Variants in SORCS1 observed in about 807,000 individuals in gnomAD.
The protein encoded by SORCS1 is VPS10 domain-containing receptor SorCS1.
SORCS1 carries 60 observed loss-of-function variants against 146.1 expected under a neutral mutation model. That is an observed-to-expected ratio of 0.41 (90% CI 0.33 to 0.51). The LOEUF (loss-of-function observed/expected upper bound fraction) is 0.51, where lower values mean the gene tolerates loss of function less well. SORCS1 is among the 20% of genes least tolerant of loss of function. The pLI, the probability that SORCS1 is intolerant of heterozygous loss-of-function variation, is 0.21. For synonymous variants in SORCS1, 637 were observed against 584.0 expected, an observed-to-expected ratio of 1.09 and a Z score of -1.31; for missense variants, 1,352 against 1,487.6, an observed-to-expected ratio of 0.91 and a Z score of 1.50.
At chr10:107,112,082 T>C (rs1397108123) in intron 1 of SORCS1, among the ~76,000 whole-genome samples, 1 of 152,108 alleles carries the variant, frequency 6.6e-6, no homozygotes, top group Non-Finnish European at 1.5e-5. Context: ...AGCTTAAGTA[T>C]GTAGTCAAAT....
At chr10:106,703,248 A>T (rs917536546) in intron 8 of SORCS1, among the ~76,000 whole-genome samples, 2 of 152,000 alleles carry the variant, frequency 1.3e-5, no homozygotes, top group African/African-American at 4.8e-5. Flanking sequence ...TTAGTGACAG[A>T]TCTGGGTCCC....
chr10:107,155,473 G>A (rs1969203761), intron 1 of SORCS1, among the ~76,000 whole-genome samples: 1 of 152,144 alleles, frequency 6.6e-6, no homozygotes, highest in African/African-American at 2.4e-5. Flanking sequence ...AGGCACCTAT[G>A]AGTGAGCCCA....
chr10:106,705,056 A>C (rs2135792521), intron 8 of SORCS1, among the ~76,000 whole-genome samples: 2 of 152,280 alleles, frequency 1.3e-5, no homozygotes, highest in Non-Finnish European at 1.5e-5. Flanking sequence ...TCCAATTCTC[A>C]TCTAAGGCAC....
At chr10:106,700,204 C>T (rs1373098328) in intron 8 of SORCS1, among the ~76,000 whole-genome samples, 3 of 152,148 alleles carry the variant, frequency 2.0e-5, no homozygotes, top group South Asian at 2.1e-4. Context: ...AAAGGTAGCG[C>T]GGAGGCAGTA....
At chr10:107,083,667 CT>C (rs1233521575) in intron 1 of SORCS1, among the ~76,000 whole-genome samples, 6 of 152,200 alleles carry the variant, frequency 3.9e-5, no homozygotes, top group Admixed American at 3.9e-4. Flanking sequence ...TCTTAACCTA[CT>C]CCTAGCCTTA....
rs1017249151 is a variant in SORCS1 at position 106,955,110 on chromosome 10, C to T, written c.626+1403G>A. On this transcript the variant is annotated intron_variant, in intron 2 of 25. Transcript: ENST00000263054. ...ACACGAATGAGGTGAAACCCACCCC[C>T]ACCCTGTTTGCTGCACTGTGGCTGG... Among the ~76,000 whole-genome samples the T allele has an allele frequency of 4.0e-4, 61 of 152,368 alleles. 1 individual carries two copies. The East Asian group carries it at 5.2e-3, about 13-fold the overall frequency.
chr10:107,036,917 T>G (rs1270229714), intron 1 of SORCS1, among the ~76,000 whole-genome samples: 1 of 152,312 alleles, frequency 6.6e-6, no homozygotes, highest in African/African-American at 2.4e-5. Context: ...AAGGCTCCAT[T>G]CTTGCTTGTT....
intron 6 of SORCS1, among the ~76,000 whole-genome samples, chr10:106,722,591 T>C (rs998482775): frequency 6.6e-6 from 1 of 152,180 alleles, no homozygotes; most frequent in Non-Finnish European, 1.5e-5. Context: ...GTGAATGAGA[T>C]TAGTCCTTGG....
intron 8 of SORCS1, 108 bp from the exon 9 acceptor site, chr10:106,699,501 T>C (rs1853969274): frequency 2.3e-6 from 2 of 879,278 alleles, no homozygotes; most frequent in African/African-American, 1.7e-5. Flanking sequence ...ATGAGCACTT[T>C]AATGGAAGAT....
chr10:106,813,988 C>T (rs1389174310), intron 3 of SORCS1, among the ~76,000 whole-genome samples: 1 of 152,022 alleles, frequency 6.6e-6, no homozygotes, highest in Non-Finnish European at 1.5e-5. Context: ...CGAGAAAATC[C>T]ATCAACTTCC....
chr10:107,105,663 C>A (rs984392430), intron 1 of SORCS1, among the ~76,000 whole-genome samples: 4 of 150,056 alleles, frequency 2.7e-5, no homozygotes, highest in Admixed American at 6.7e-5. Flanking sequence ...TCTACTCCTT[C>A]CATATTCCTC....
At chr10:106,661,028 T>G (rs1048138791) in intron 17 of SORCS1, among the ~76,000 whole-genome samples, 3 of 152,216 alleles carry the variant, frequency 2.0e-5, no homozygotes, top group Admixed American at 1.3e-4. Flanking sequence ...ACCACTGGCA[T>G]GAAACAAGTA....
rs549288455 is a variant in SORCS1 at position 106,959,809 on chromosome 10, C to CT, written c.559-3230dup. Among the ~76,000 whole-genome samples the CT allele has an allele frequency of 8.5e-5, 13 of 152,296 alleles. No homozygotes were observed. In the East Asian group the frequency reaches 2.5e-3, roughly 29 times the overall value. Reference sequence around the variant, plus strand: ...GTGAGGTGCAGGACACTGCGTCCAGCTTTCAGTGGAACTTTTCAATTAAGT... The same window carrying CT: ...GTGAGGTGCAGGACACTGCGTCCAGCTTTTCAGTGGAACTTTTCAATTAAGT... On this transcript the variant is annotated intron_variant, in intron 1 of 25. Coordinates refer to ENST00000263054, the MANE Select transcript of SORCS1 (RefSeq NM_052918.5).
intron 18 of SORCS1, among the ~76,000 whole-genome samples, chr10:106,649,999 T>C (rs942828329): frequency 1.3e-5 from 2 of 152,190 alleles, no homozygotes; most frequent in Non-Finnish European, 2.9e-5. Flanking sequence ...CTCACATTCA[T>C]GAACATAATA....
chr10:106,915,903 G>A (rs944646964), intron 2 of SORCS1, among the ~76,000 whole-genome samples: 1 of 152,150 alleles, frequency 6.6e-6, no homozygotes, highest in African/African-American at 2.4e-5. Context: ...CCTCCAGGAG[G>A]AGCAATGGAA....
Position 106,898,785 on chromosome 10 carries a change from T to G in SORCS1, c.626+57728A>C, listed in dbSNP as rs554084839. ...AGCTCCTAATTGTAATGATCAATTCTGATGGTTCTTTTTCCATTCCAAGCC... is the reference window on the plus strand; with the variant it reads ...AGCTCCTAATTGTAATGATCAATTCGGATGGTTCTTTTTCCATTCCAAGCC... On this transcript the variant is annotated intron_variant, in intron 2 of 25. Coordinates refer to ENST00000263054, the MANE Select transcript of SORCS1 (RefSeq NM_052918.5). 2.6e-5 allele frequency among the ~76,000 whole-genome samples: 4 copies of G among 152,316 alleles called. No individual in the cohort carries two copies. The South Asian group carries it at 8.3e-4, about 32-fold the overall frequency.
intron 1 of SORCS1, among the ~76,000 whole-genome samples, chr10:107,054,944 G>C (rs1960460280): frequency 6.6e-6 from 1 of 152,186 alleles, no homozygotes; most frequent in Non-Finnish European, 1.5e-5. Flanking sequence ...CCTAATAAGT[G>C]TTGGCCACTC....
At chr10:106,661,336 G>A (rs980160407) in intron 17 of SORCS1, among the ~76,000 whole-genome samples, 4 of 152,216 alleles carry the variant, frequency 2.6e-5, no homozygotes, top group African/African-American at 4.8e-5. Flanking sequence ...AGGGACAGAC[G>A]TGCTTTGGTG....
At chr10:106,893,784 T>G (rs994197905) in intron 2 of SORCS1, among the ~76,000 whole-genome samples, 2 of 152,204 alleles carry the variant, frequency 1.3e-5, no homozygotes. Context: ...TAAACATTTT[T>G]ATTCAATACT....
Sources: gnomAD v4.1 joint callset for allele counts (sites outside exome capture counted in the v4.1 genomes callset) on GRCh38, gnomAD v4.1.1 for gene constraint, MANE v1.5 for transcripts, NCBI Gene and HGNC (gene_info 2026-07-23, HGNC 2026-07-21) for gene names.